Variants in NEO1 observed in about 807,000 individuals in gnomAD.
NEO1 encodes the protein neogenin.
NEO1 carries 63 observed loss-of-function variants against 159.7 expected under a neutral mutation model. The observed-to-expected ratio is 0.39, with a 90% CI of 0.32 to 0.49. The LOEUF (loss-of-function observed/expected upper bound fraction) is 0.49, where lower values mean the gene tolerates loss of function less well. Among genes scored for constraint, NEO1 ranks in the 20% least tolerant of loss-of-function variants. The pLI is 0.85. For synonymous variants in NEO1, 633 were observed against 662.0 expected (o/e 0.96, Z 0.67); for missense variants, 1,615 against 1,831.0 (o/e 0.88, Z 2.15).
rs759616840 is a variant in NEO1, at chr15:73,304,558, A to G, written c.*1862A>G. On this transcript the variant is annotated 3_prime_UTR_variant, in exon 29 of 29. Coordinates refer to ENST00000261908, the MANE Select transcript of NEO1 (RefSeq NM_002499.4). ...GATTTGGGGGGCAATGAAAGGTGCA[A>G]TGCAGGAACTGCTGCTGCCGAGCTC... The G allele has an allele frequency of 6.6e-5, 10 of 152,220 alleles. No individual in the cohort carries two copies. The highest frequency in any genetic ancestry group is 1.3e-4 in the Non-Finnish European group (9 of 68,066). 9.4% of individuals were successfully genotyped at this position (152,220 alleles called of 1,614,324 possible).
At chr15:73,167,850 CAT>C (rs1215897917) in intron 5 of NEO1, among the ~76,000 whole-genome samples, 1 of 152,156 alleles carries the variant, frequency 6.6e-6, no homozygotes, top group Admixed American at 6.5e-5. Context: ...ACAATTAAAT[CAT>C]GTGATCACAG....
intron 28 of NEO1, among the ~76,000 whole-genome samples, chr15:73,302,242 C>T (rs1187719107): frequency 6.6e-6 from 1 of 152,176 alleles, no homozygotes; most frequent in African/African-American, 2.4e-5. Context: ...AATGTTTTGC[C>T]TCTGAATTTC....
intron 15 of NEO1, 84 bp downstream of exon 15, chr15:73,260,549 G>C: frequency 8.2e-7 from 1 of 1,224,050 alleles, no homozygotes; most frequent in Non-Finnish European, 1.1e-6. Context: ...ATTTTTACAA[G>C]AAAATTGCGA....
chr15:73,143,869 T>C (rs1217701061), intron 5 of NEO1, among the ~76,000 whole-genome samples: 1 of 152,204 alleles, frequency 6.6e-6, no homozygotes, highest in Non-Finnish European at 1.5e-5. Flanking sequence ...CTTAAAATAG[T>C]TCTCTTTTTA....
At chr15:73,168,590 A>G (rs1213950999) in intron 5 of NEO1, among the ~76,000 whole-genome samples, 1 of 152,148 alleles carries the variant, frequency 6.6e-6, no homozygotes, top group Admixed American at 6.5e-5. Flanking sequence ...TAGGGGCAGG[A>G]TTGGGATGAA....
At chr15:73,105,023 T>C (rs1027313787) in intron 1 of NEO1, among the ~76,000 whole-genome samples, 5 of 152,206 alleles carry the variant, frequency 3.3e-5, no homozygotes, top group Admixed American at 6.5e-5. Flanking sequence ...AGGCAGAATA[T>C]TTAGAGCACC....
intron 23 of NEO1, among the ~76,000 whole-genome samples, chr15:73,283,828 G>A (rs917381145): frequency 2.6e-5 from 4 of 152,214 alleles, no homozygotes; most frequent in Non-Finnish European, 5.9e-5. Flanking sequence ...TGCCAGCCCA[G>A]TTGGAAGAAG....
At chr15:73,248,958 A>C in intron 9 of NEO1, 102 bp from the exon 10 acceptor site, 1 of 1,081,960 alleles carries the variant, frequency 9.2e-7, no homozygotes, top group Non-Finnish European at 1.3e-6. Context: ...CTTAGCTTCT[A>C]TTATTTTAAA....
rs1217196180 is a variant in NEO1 at position 73,293,444 on chromosome 15, A to T, written c.3797A>T (p.His1266Leu). The T allele has an allele frequency of 6.2e-7, 1 of 1,613,806 alleles. No individual in the cohort carries two copies. The highest frequency in any genetic ancestry group is 1.7e-5 in the Admixed American group (1 of 59,974). Residue 1266 changes from histidine (H) to leucine (L), a missense_variant, in exon 26 of 29, where the codon CAC becomes CTC. His to Leu is a moderately conservative substitution (Grantham distance 99, BLOSUM62 -3). This residue lies in a region of NEO1 where 471 missense variants were observed against 498.9 expected (regional missense o/e 0.94). Transcript: ENST00000261908. ...HSLDNPHHHF[H>L]SSSLASPARS... The stretch of plus-strand genomic sequence containing the variant: ...CTCGATAACCCTCACCATCATTTCC[A>T]CTCCAGCAGCCTCGCTTCTCCAGCT...
At chr15:73,255,826 A>G (rs2040315869) in intron 13 of NEO1, 3 of 152,158 alleles carry the variant, frequency 2.0e-5, no homozygotes, top group South Asian at 4.1e-4. Context: ...TTGTCACTCA[A>G]TAGAGCCCAT....
At chr15:73,158,112 G>A (rs137908507) in intron 5 of NEO1, among the ~76,000 whole-genome samples, 458 of 151,892 alleles carry the variant, frequency 3.0e-3, no homozygotes, top group African/African-American at 0.01. Context: ...CTACTCCTGA[G>A]GCTGAGACAG....
intron 5 of NEO1, among the ~76,000 whole-genome samples, chr15:73,139,107 G>A (rs2151765277): frequency 6.6e-6 from 1 of 152,300 alleles, no homozygotes; most frequent in Middle Eastern, 3.4e-3. Flanking sequence ...CCACATGTGG[G>A]AGAATGAAAT....
chr15:73,059,023 G>A (rs1260940552), intron 1 of NEO1, among the ~76,000 whole-genome samples: 5 of 152,036 alleles, frequency 3.3e-5, no homozygotes, highest in Non-Finnish European at 7.4e-5. Context: ...GCAAATGATT[G>A]TATATGATTT....
chr15:73,168,244 C>T (rs1040242970), intron 5 of NEO1, among the ~76,000 whole-genome samples: 8 of 151,926 alleles, frequency 5.3e-5, no homozygotes, highest in Admixed American at 4.6e-4. Flanking sequence ...GGCTGAAGTG[C>T]AGTGGCACAG....
chr15:73,085,397 G>T (rs955781724), intron 1 of NEO1, among the ~76,000 whole-genome samples: 1 of 152,148 alleles, frequency 6.6e-6, no homozygotes, highest in African/African-American at 2.4e-5. Flanking sequence ...GTTGCCAGCA[G>T]TTCGTAGGGA....
intron 5 of NEO1, among the ~76,000 whole-genome samples, chr15:73,173,975 CTG>C (rs1353969755): frequency 1.3e-5 from 2 of 151,798 alleles, no homozygotes; most frequent in East Asian, 3.9e-4. Flanking sequence ...TGGTGCACGT[CTG>C]TAATCCCGGC....
At chr15:73,239,687 G>GGT (rs2039393821) in intron 8 of NEO1, among the ~76,000 whole-genome samples, 1 of 152,198 alleles carries the variant, frequency 6.6e-6, no homozygotes, top group Admixed American at 6.5e-5. Context: ...ATACAGCCTA[G>GGT]GTGTGTGGGA....
At chr15:73,211,639 AG>A (rs1445259104) in intron 7 of NEO1, among the ~76,000 whole-genome samples, 2 of 152,138 alleles carry the variant, frequency 1.3e-5, no homozygotes, top group South Asian at 2.1e-4. Context: ...CACTTGAACC[AG>A]GGAGTCAGAG....
chr15:73,170,713 T>G (rs937062223), intron 5 of NEO1, among the ~76,000 whole-genome samples: 1 of 152,158 alleles, frequency 6.6e-6, no homozygotes, highest in Non-Finnish European at 1.5e-5. Context: ...TTTGAAAACG[T>G]AAGTGAAGGG....
Sources: allele counts gnomAD v4.1 joint callset (sites outside exome capture counted in the v4.1 genomes callset), GRCh38; gene constraint gnomAD v4.1.1; regional missense constraint gnomAD v4.1.1; transcripts MANE v1.5; gene names NCBI Gene and HGNC (gene_info 2026-07-23, HGNC 2026-07-21).